Variants in NRXN1 observed in about 807,000 individuals in gnomAD.
NRXN1 encodes the protein neurexin-1.
NRXN1 carries 39 observed loss-of-function variants against 150.9 expected under a neutral mutation model. The ratio of observed to expected loss-of-function variants is 0.26; its 90% CI spans 0.20 to 0.34. The LOEUF is 0.34. NRXN1 is among the 10% of genes least tolerant of loss of function. The pLI is 1.00. For missense variants in NRXN1, 1,815 were observed against 1,949.9 expected (o/e 0.93, Z 1.30); for synonymous variants, 924 against 757.0 (o/e 1.22, Z -3.62).
intron 21 of NRXN1, among the ~76,000 whole-genome samples, chr2:49,987,196 GC>G (rs1191333477): frequency 1.3e-5 from 2 of 151,750 alleles, no homozygotes; most frequent in East Asian, 3.9e-4. Context: ...ACCTTTCCCA[GC>G]CTACAATTCT....
intron 2 of NRXN1, among the ~76,000 whole-genome samples, chr2:50,949,492 C>G (rs2104569226): frequency 6.6e-6 from 1 of 152,076 alleles, no homozygotes; most frequent in Non-Finnish European, 1.5e-5. Flanking sequence ...ATACAAGGGA[C>G]AGAGAAGGCC....
chr2:50,533,701 C>A (rs929710999), intron 10 of NRXN1, among the ~76,000 whole-genome samples: 1 of 152,152 alleles, frequency 6.6e-6, no homozygotes, highest in Non-Finnish European at 1.5e-5. Flanking sequence ...ATCTCTCTGG[C>A]CTCAGCTTTA....
chr2:50,631,945 C>T (rs1004314342), intron 5 of NRXN1, among the ~76,000 whole-genome samples: 3 of 151,836 alleles, frequency 2.0e-5, no homozygotes, highest in Admixed American at 2.0e-4. Context: ...TTAAAAGTAG[C>T]TTCATGAATA....
intron 15 of NRXN1, among the ~76,000 whole-genome samples, chr2:50,482,545 G>C (rs1443920449): frequency 6.6e-6 from 1 of 152,060 alleles, no homozygotes; most frequent in Non-Finnish European, 1.5e-5. Context: ...ACTGCATATG[G>C]ATTTGCAGGG....
intron 21 of NRXN1, among the ~76,000 whole-genome samples, chr2:49,982,483 A>C (rs199669703): frequency 1.3e-5 from 2 of 151,486 alleles, no homozygotes; most frequent in African/African-American, 4.8e-5. Context: ...ACTTAAAAAA[A>C]ACACACAAAA....
chr2:50,655,587 A>C (rs1035972118), intron 5 of NRXN1, among the ~76,000 whole-genome samples: 1 of 151,806 alleles, frequency 6.6e-6, no homozygotes, highest in African/African-American at 2.4e-5. Context: ...TAAGAGCTAC[A>C]TCTGGCATTT....
intron 17 of NRXN1, among the ~76,000 whole-genome samples, chr2:50,384,599 C>T (rs1380177147): frequency 6.7e-6 from 1 of 150,076 alleles, no homozygotes; most frequent in African/African-American, 2.4e-5. Flanking sequence ...CCCTTCTCTA[C>T]TAAATTCTTC....
At chr2:50,708,605 C>G (rs957854037) in intron 5 of NRXN1, among the ~76,000 whole-genome samples, 2 of 152,096 alleles carry the variant, frequency 1.3e-5, no homozygotes, top group Non-Finnish European at 2.9e-5. Context: ...CTAAGTTACA[C>G]AGAGGGAAGA....
At chr2:50,638,214 A>T (rs981644100) in intron 5 of NRXN1, among the ~76,000 whole-genome samples, 5 of 152,146 alleles carry the variant, frequency 3.3e-5, no homozygotes, top group Admixed American at 1.3e-4. Context: ...ATTTCCAGGA[A>T]CCCTACCCAC....
intron 12 of NRXN1, among the ~76,000 whole-genome samples, chr2:50,513,975 T>C (rs2092549745): frequency 6.6e-6 from 1 of 152,188 alleles, no homozygotes; most frequent in Admixed American, 6.5e-5. Flanking sequence ...AAATGAACTA[T>C]CTTTATGGTG....
chr2:50,850,550 A>T (rs907759430), intron 5 of NRXN1, among the ~76,000 whole-genome samples: 1 of 152,148 alleles, frequency 6.6e-6, no homozygotes, highest in East Asian at 1.9e-4. Flanking sequence ...GCACCACGCT[A>T]TCAAATTCCG....
intron 17 of NRXN1, among the ~76,000 whole-genome samples, chr2:50,284,222 G>A (rs187473841): frequency 3.3e-5 from 5 of 152,158 alleles, no homozygotes; most frequent in Admixed American, 1.3e-4. Flanking sequence ...TAACATTTCA[G>A]TTCCTTAAAA....
intron 21 of NRXN1, among the ~76,000 whole-genome samples, chr2:49,996,935 T>C (rs949723188): frequency 5.9e-5 from 9 of 152,242 alleles, no homozygotes; most frequent in Admixed American, 2.0e-4. Flanking sequence ...CCATTCTCTC[T>C]TGGTGTACCT....
chr2:49,955,476 A>G (rs1674759921), intron 21 of NRXN1, among the ~76,000 whole-genome samples: 1 of 152,146 alleles, frequency 6.6e-6, no homozygotes, highest in Non-Finnish European at 1.5e-5. Flanking sequence ...GTTAGAAGGA[A>G]GGCAAAGCTA....
At chr2:50,383,955 T>A (rs956363237) in intron 17 of NRXN1, among the ~76,000 whole-genome samples, 1 of 152,198 alleles carries the variant, frequency 6.6e-6, no homozygotes, top group Non-Finnish European at 1.5e-5. Flanking sequence ...TTACCCCGTT[T>A]ATACATGTTG....
At chr2:50,847,216 A>T (rs10196466) in intron 5 of NRXN1, among the ~76,000 whole-genome samples, 1 of 151,882 alleles carries the variant, frequency 6.6e-6, no homozygotes, top group Non-Finnish European at 1.5e-5. Context: ...TTCCTACTTC[A>T]GTGTTCTTTT....
rs1170467340 is a variant in NRXN1, at chr2:50,496,083, G to A, written c.2892C>T (p.Tyr964=). 18 of 1,600,198 alleles carry A rather than the reference G, an allele frequency of 1.1e-5. No homozygotes were observed. Among genetic ancestry groups the A allele is most frequent in the Middle Eastern group, 3.3e-4 (2 of 6,064 alleles). ...VVELVKGYLH[Y]VFDLGNGANL... is the part of the protein sequence containing the mutation. ...TAGCACCATTTCCCAAATCAAACAC[G>A]TAATGTAAGTACCTGGGAAAAAAAT... The change falls in exon 15 of 23, where the codon TAC becomes TAT. Residue 964 remains tyrosine (Y), a synonymous_variant. Transcript: ENST00000401669.
intron 12 of NRXN1, among the ~76,000 whole-genome samples, chr2:50,515,306 T>C (rs993672738): frequency 1.3e-5 from 2 of 152,220 alleles, no homozygotes; most frequent in African/African-American, 4.8e-5. Flanking sequence ...CCTCTAGTTT[T>C]ACTGATTCTA....
chr2:50,421,744 T>C (rs541282204), intron 17 of NRXN1, among the ~76,000 whole-genome samples: 26 of 152,254 alleles, frequency 1.7e-4, no homozygotes, highest in African/African-American at 4.8e-4. Context: ...ACAAAGTGCA[T>C]ACTGCAAGTT....
Sources: gnomAD v4.1 joint callset for allele counts (sites outside exome capture counted in the v4.1 genomes callset) on GRCh38, gnomAD v4.1.1 for gene constraint, MANE v1.5 for transcripts, NCBI Gene and HGNC (gene_info 2026-07-23, HGNC 2026-07-21) for gene names.